TENM2: variants seen among roughly 807,000 people sequenced by gnomAD.
TENM2 encodes the protein teneurin-2.
A neutral mutation model predicts 245.2 loss-of-function variants in TENM2; 52 were observed. The observed-to-expected ratio is 0.21, with a 90% CI of 0.17 to 0.27. The LOEUF (loss-of-function observed/expected upper bound fraction) is 0.27. Among genes scored for constraint, TENM2 ranks in the 10% least tolerant of loss-of-function variants. The pLI is 1.00. For missense variants in TENM2, 3,046 were observed against 3,666.8 expected, an observed-to-expected ratio of 0.83 and a Z score of 4.37; for synonymous variants, 1,363 against 1,438.9, an observed-to-expected ratio of 0.95 and a Z score of 1.19.
intron 2 of TENM2, among the ~76,000 whole-genome samples, chr5:167,437,146 G>A (rs181214360): frequency 0.01 from 1,533 of 152,234 alleles, 10 homozygotes; most frequent in Non-Finnish European, 0.013. Flanking sequence ...ACACCAGCCC[G>A]TGAGAGCAGC....
intron 1 of TENM2, among the ~76,000 whole-genome samples, chr5:167,335,419 G>A (rs991328878): frequency 2.0e-5 from 3 of 152,038 alleles, no homozygotes; most frequent in African/African-American, 7.2e-5. Context: ...ATTTGAGCAG[G>A]GACACAGATC....
At chr5:167,074,781 G>C in the TENM2 span, among the ~76,000 whole-genome samples, 1 of 152,244 alleles carries the variant, frequency 6.6e-6, no homozygotes, top group African/African-American at 2.4e-5. Context: ...TAGCGGTTCT[G>C]TTAGGATTGT....
intron 2 of TENM2, among the ~76,000 whole-genome samples, chr5:167,627,015 A>G (rs567766353): frequency 2.0e-5 from 3 of 152,342 alleles, no homozygotes; most frequent in Non-Finnish European, 2.9e-5. Flanking sequence ...GAGCATAACA[A>G]TGACATGAGG....
At chr5:167,087,591 A>T in the TENM2 span, among the ~76,000 whole-genome samples, 1 of 152,192 alleles carries the variant, frequency 6.6e-6, no homozygotes, top group African/African-American at 2.4e-5. Context: ...AGTACCTTGC[A>T]TACAATAGGT....
At chr5:167,239,648 C>T in the TENM2 span, among the ~76,000 whole-genome samples, 36 of 152,242 alleles carry the variant, frequency 2.4e-4, no homozygotes, top group Admixed American at 3.3e-4. Flanking sequence ...GATGTGTTTG[C>T]TTGTACTCAG....
intron 1 of TENM2, among the ~76,000 whole-genome samples, chr5:167,338,263 A>G (rs576615052): frequency 1.3e-5 from 2 of 152,238 alleles, no homozygotes; most frequent in African/African-American, 2.4e-5. Context: ...TTTGCTTCCT[A>G]TATTTATTTA....
intron 4 of TENM2, among the ~76,000 whole-genome samples, chr5:167,990,229 C>CA (rs1279941460): frequency 6.6e-6 from 1 of 152,178 alleles, no homozygotes; most frequent in Non-Finnish European, 1.5e-5. Context: ...TGTTATAAGG[C>CA]AGCAGACTAT....
At position 167,895,007 on chromosome 5, in the gene TENM2, A is replaced by G. The variant is rs149354518; in HGVS notation, c.712+18812A>G. ...GAAGGAAGGAGGGAAGGAAGGAAGG[A>G]AGGGAGGGAGGGAGGGAGGGAGGCA... On this transcript the variant is annotated intron_variant, in intron 3 of 28. Coordinates refer to ENST00000518659, the Ensembl canonical transcript of TENM2. Among the ~76,000 whole-genome samples, 1,260 of 126,846 alleles carry G rather than the reference A, an allele frequency of 9.9e-3. 12 individuals carry two copies. Among genetic ancestry groups the G allele is most frequent in the Middle Eastern group, 0.015 (4 of 262 alleles). 83.2% of individuals were successfully genotyped at this position (126,846 alleles called of 152,430 possible).
At chr5:167,394,762 A>AT (rs890591982) in intron 2 of TENM2, among the ~76,000 whole-genome samples, 95 of 150,850 alleles carry the variant, frequency 6.3e-4, no homozygotes, top group African/African-American at 1.9e-3. Flanking sequence ...TGCCCAGCTA[A>AT]TTTTTTTTTC....
At chr5:167,929,063 AAGAAAGAAAG>A (rs755971808) in intron 3 of TENM2, among the ~76,000 whole-genome samples, 1,563 of 19,308 alleles carry the variant, frequency 0.081, 30 homozygotes, top group South Asian at 0.1. Context: ...GAAAGAGAGA[AAGAAAGAAAG>A]AAAGAAAGAA....
intron 5 of TENM2, among the ~76,000 whole-genome samples, chr5:168,031,759 A>C (rs1207205357): frequency 1.1e-4 from 14 of 126,958 alleles, no homozygotes; most frequent in African/African-American, 4.2e-4. Context: ...AAGGGAGGAA[A>C]GGAGGAAGGG....
intron 5 of TENM2, among the ~76,000 whole-genome samples, chr5:168,006,836 A>G (rs1784858829): frequency 6.6e-6 from 1 of 152,170 alleles, no homozygotes; most frequent in Admixed American, 6.5e-5. Context: ...CAGGATTACC[A>G]TTGTTTACTA....
chr5:167,376,855 G>A (rs563205028), intron 2 of TENM2, among the ~76,000 whole-genome samples: 1 of 152,090 alleles, frequency 6.6e-6, no homozygotes, highest in Admixed American at 6.5e-5. Context: ...TCCTTTTTCA[G>A]CTTCATTGTG....
At chr5:167,070,152 CTG>C in the TENM2 span, among the ~76,000 whole-genome samples, 1 of 84,866 alleles carries the variant, frequency 1.2e-5, no homozygotes, top group South Asian at 2.9e-4. Context: ...GAGTCTCACT[CTG>C]TCGCCCAGGC....
At chr5:167,330,817 C>T (rs1200171415) in intron 1 of TENM2, among the ~76,000 whole-genome samples, 1 of 152,160 alleles carries the variant, frequency 6.6e-6, no homozygotes, top group Non-Finnish European at 1.5e-5. Flanking sequence ...ATGTTTGTAG[C>T]TTATTCCTCT....
At chr5:168,162,147 C>T (rs1581496077) in intron 12 of TENM2, among the ~76,000 whole-genome samples, 1 of 152,170 alleles carries the variant, frequency 6.6e-6, no homozygotes, top group East Asian at 1.9e-4. Flanking sequence ...GTAAATATAT[C>T]TTTAAAACTC....
chr5:167,825,296 G>A (rs879888699), intron 2 of TENM2, among the ~76,000 whole-genome samples: 1 of 150,706 alleles, frequency 6.6e-6, no homozygotes, highest in African/African-American at 2.5e-5. Context: ...GTTTCTGCAG[G>A]GGGGTGGGGT....
At chr5:167,076,703 A>G in the TENM2 span, among the ~76,000 whole-genome samples, 2 of 152,210 alleles carry the variant, frequency 1.3e-5, no homozygotes, top group African/African-American at 4.8e-5. Flanking sequence ...CCATTTCCAT[A>G]TAAATACTTA....
At chr5:167,608,709 G>A (rs995510025) in intron 2 of TENM2, among the ~76,000 whole-genome samples, 4 of 152,120 alleles carry the variant, frequency 2.6e-5, no homozygotes, top group Admixed American at 6.6e-5. Context: ...TTGTTGCTTC[G>A]TGTCTCACAG....
Sources: allele counts gnomAD v4.1 joint callset (sites outside exome capture counted in the v4.1 genomes callset), GRCh38; gene constraint gnomAD v4.1.1; transcripts MANE v1.5; gene names NCBI Gene and HGNC (gene_info 2026-07-23, HGNC 2026-07-21).